Variants in MYH16 observed in about 807,000 individuals in gnomAD.
The protein encoded by MYH16 is putative uncharacterized protein MYH16.
intron 18 of MYH16, among the ~76,000 whole-genome samples, chr7:99,269,286 T>C (rs1339543487): frequency 2.0e-5 from 3 of 151,854 alleles, no homozygotes; most frequent in Non-Finnish European, 4.4e-5. Flanking sequence ...TTTTTTTTTT[T>C]TTCTTAAGAG....
chr7:99,280,115 T>G (rs758828495), intron 22 of MYH16, among the ~76,000 whole-genome samples: 25 of 152,228 alleles, frequency 1.6e-4, no homozygotes, highest in Admixed American at 2.0e-4. Context: ...TCAGGTGATC[T>G]GCCTGTCTTG....
exon 30 of MYH16, chr7:99,289,317 G>A: frequency 2.3e-6 from 1 of 441,142 alleles, no homozygotes; most frequent in South Asian, 1.6e-5. Flanking sequence ...CAGAAAGCTG[G>A]AAGACAGCTT....
At chr7:99,267,781 C>T (rs374328178) in intron 18 of MYH16, among the ~76,000 whole-genome samples, 12 of 152,200 alleles carry the variant, frequency 7.9e-5, no homozygotes, top group East Asian at 3.9e-4. Flanking sequence ...GCTAGCCAGG[C>T]CAGTGGTGCC....
At chr7:99,258,858 G>A (rs918484338) in intron 11 of MYH16, among the ~76,000 whole-genome samples, 25 of 151,950 alleles carry the variant, frequency 1.6e-4, no homozygotes, top group African/African-American at 5.5e-4. Flanking sequence ...TTTTCAAACT[G>A]CTATAAAAAA....
intron 19 of MYH16, among the ~76,000 whole-genome samples, chr7:99,271,325 A>G (rs1305813402): frequency 6.6e-6 from 1 of 152,180 alleles, no homozygotes; most frequent in South Asian, 2.1e-4. Context: ...CCTGGCCAAC[A>G]TGGTGAAACC....
chr7:99,303,833 G>C (rs1423558017), intron 39 of MYH16, among the ~76,000 whole-genome samples: 4 of 152,126 alleles, frequency 2.6e-5, no homozygotes, highest in African/African-American at 9.7e-5. Flanking sequence ...AACAATAAAA[G>C]CAAACAGCCT....
At chr7:99,271,946 C>G (rs530846297) in intron 19 of MYH16, among the ~76,000 whole-genome samples, 25 of 152,304 alleles carry the variant, frequency 1.6e-4, no homozygotes, top group African/African-American at 6.0e-4. Context: ...ATCCACCTGC[C>G]TCAACTTCTC....
chr7:99,287,994 A>T (rs1487924022), exon 29 of MYH16: 2 of 456,734 alleles, frequency 4.4e-6, no homozygotes, highest in Non-Finnish European at 8.8e-6. Flanking sequence ...ACTGCGCAAG[A>T]AGCACGTGGA....
chr7:99,308,594 C>T (rs1459120633), downstream of MYH16, among the ~76,000 whole-genome samples: 2 of 152,142 alleles, frequency 1.3e-5, no homozygotes, highest in Non-Finnish European at 2.9e-5. Context: ...ATCAGTGTCA[C>T]CTACGACATT....
intron 18 of MYH16, among the ~76,000 whole-genome samples, chr7:99,269,600 CT>C (rs1792023962): frequency 6.6e-6 from 1 of 152,140 alleles, no homozygotes; most frequent in Non-Finnish European, 1.5e-5. Context: ...TCAAAAATAG[CT>C]TTAGCACATA....
At chr7:99,270,699 T>C (rs1792036356) in intron 18 of MYH16, among the ~76,000 whole-genome samples, 4 of 151,598 alleles carry the variant, frequency 2.6e-5, no homozygotes, top group Non-Finnish European at 4.4e-5. Context: ...CTGGATAACA[T>C]AGTGAGACCC....
At chr7:99,246,602 T>C (rs1235524096) in intron 2 of MYH16, among the ~76,000 whole-genome samples, 2 of 152,146 alleles carry the variant, frequency 1.3e-5, no homozygotes, top group African/African-American at 2.4e-5. Context: ...CTCAAGAGGC[T>C]GAGGCAGGAG....
intron 19 of MYH16, among the ~76,000 whole-genome samples, 182 bp from the exon 1 acceptor site, chr7:99,272,657 G>A (rs1487549009): frequency 2.0e-5 from 3 of 151,990 alleles, no homozygotes; most frequent in African/African-American, 7.3e-5. Context: ...TGAGGCAGGA[G>A]GATTGCTTGA....
chr7:99,266,226 T>G (rs1279672916), intron 17 of MYH16, among the ~76,000 whole-genome samples: 1 of 152,214 alleles, frequency 6.6e-6, no homozygotes. Context: ...CAGTTGCCTG[T>G]TGCACTAACT....
At chr7:99,299,074 A>T (rs935210160) in intron 36 of MYH16, among the ~76,000 whole-genome samples, 2 of 132,998 alleles carry the variant, frequency 1.5e-5, no homozygotes, top group Admixed American at 6.9e-5. Context: ...AAAAAAAAAT[A>T]AAAAATAAAA....
Position 99,277,947 on chromosome 7 carries a change from C to A in MYH16, n.2659+235C>A, listed in dbSNP as rs868034304. ...AGAGAGAGAGAGAGAGACAGACAGA[C>A]AGACAGACAGACAGACAGACAGACA... On this transcript the variant is annotated intron_variant and non_coding_transcript_variant, in intron 21 of 41. Transcript: ENST00000439784. Among the ~76,000 whole-genome samples the A allele has an allele frequency of 3.7e-4, 51 of 136,878 alleles. 1 individual carries two copies. The highest frequency in any genetic ancestry group is 1.4e-3 in the African/African-American group (48 of 35,176). The allele number at this position is 136,878 out of a possible 152,430, so 89.8% of individuals were successfully genotyped here.
At chr7:99,242,302 T>C (rs947515472) in intron 1 of MYH16, among the ~76,000 whole-genome samples, 4 of 152,172 alleles carry the variant, frequency 2.6e-5, no homozygotes, top group Admixed American at 2.6e-4. Context: ...CTTTCAATTT[T>C]ATCCTTGAAG....
At chr7:99,297,489 C>T (rs906980218) in intron 34 of MYH16, among the ~76,000 whole-genome samples, 171 bp from the exon 16 acceptor site, 4 of 151,682 alleles carry the variant, frequency 2.6e-5, no homozygotes, top group Non-Finnish European at 4.4e-5. Flanking sequence ...TTCTACCCTC[C>T]TTATAAGGTT....
chr7:99,271,556 T>TCA (rs147385297), intron 19 of MYH16, among the ~76,000 whole-genome samples: 12,911 of 152,228 alleles, frequency 0.085, 816 homozygotes, highest in African/African-American at 0.18. Context: ...GCAACCAAGT[T>TCA]CACACACTGG....
Sources: gnomAD v4.1 joint callset for allele counts (sites outside exome capture counted in the v4.1 genomes callset) on GRCh38, gnomAD v4.1.1 for gene constraint, MANE v1.5 for transcripts, NCBI Gene and HGNC (gene_info 2026-07-23, HGNC 2026-07-21) for gene names.